The following NLRP5 variants were observed in gnomAD, a reference collection of about 807,000 sequenced individuals.
NLRP5 encodes the protein NLR family pyrin domain containing 5, also known as NACHT, LRR and PYD domains-containing protein 5.
NLRP5 carries 93 observed loss-of-function variants against 113.1 expected under a neutral mutation model. The ratio of observed to expected loss-of-function variants is 0.82; its 90% CI spans 0.70 to 0.98. The LOEUF (loss-of-function observed/expected upper bound fraction) is 0.98, where lower values mean the gene tolerates loss of function less well. NLRP5 is among the 50% of genes least tolerant of loss of function. The pLI is 0.00. For missense variants in NLRP5, 1,808 were observed against 1,514.3 expected (o/e 1.19, Z -3.22); for synonymous variants, 751 against 600.7 (o/e 1.25, Z -3.66).
rs565354335 is a variant in NLRP5 at position 56,032,523 on chromosome 19, G to A, written c.2277-88G>A. ...AAGCCACCGTGGTCTCACCTCGAGA[G>A]CTCGGTCCCTCTCCTCCGACGTGTT... On this transcript the variant is annotated intron_variant, in intron 7 of 14. Transcript: ENST00000390649. 6.4e-6 allele frequency: 8 copies of A among 1,256,324 alleles called. No individual in the cohort carries two copies. In the African/African-American group the frequency reaches 8.9e-5, roughly 14 times the overall value. 77.8% of individuals were successfully genotyped at this position (1,256,324 alleles called of 1,614,324 possible). A position where few individuals can be genotyped will look rare whatever the true frequency, so the allele number is the denominator to read the frequency against.
chr19:55,998,732 G>GTA (rs1196005656), upstream of NLRP5, among the ~76,000 whole-genome samples: 68 of 135,008 alleles, frequency 5.0e-4, no homozygotes, highest in African/African-American at 1.2e-3. Flanking sequence ...ATATATATGT[G>GTA]TATATATATA....
intron 3 of NLRP5, among the ~76,000 whole-genome samples, chr19:56,013,596 G>GTTTTTTTTTGTTTTTT (rs1555765384): frequency 1.7e-5 from 1 of 59,284 alleles, no homozygotes; most frequent in Non-Finnish European, 2.9e-5. Flanking sequence ...GGACATTTGG[G>GTTTTTTTTTGTTTTTT]TTTTTTTTTT....
chr19:56,024,362 A>T (rs1185165564), intron 6 of NLRP5, among the ~76,000 whole-genome samples: 7 of 140,632 alleles, frequency 5.0e-5, no homozygotes, highest in Non-Finnish European at 9.2e-5. Context: ...AAAAAGAACA[A>T]ATATATATAT....
intron 3 of NLRP5, among the ~76,000 whole-genome samples, chr19:56,010,587 A>G (rs542024407): frequency 1.2e-4 from 15 of 127,716 alleles, no homozygotes; most frequent in Non-Finnish European, 2.4e-4. Flanking sequence ...TCTACTAAAA[A>G]TACAGGAAAA....
upstream of NLRP5, among the ~76,000 whole-genome samples, chr19:55,997,132 T>A (rs905667560): frequency 2.0e-5 from 3 of 152,230 alleles, no homozygotes; most frequent in Non-Finnish European, 4.4e-5. Flanking sequence ...TATAAATATC[T>A]TCTTTTGAGA....
Position 56,027,850 on chromosome 19 carries a change from G to GT in NLRP5, c.1618dup (p.Trp540LeufsTer3). 1.2e-6 allele frequency: 2 copies of GT among 1,613,982 alleles called. No homozygotes were observed. Among genetic ancestry groups the GT allele is most frequent in the Non-Finnish European group, 1.7e-6 (2 of 1,179,888 alleles). On this transcript the variant is annotated frameshift_variant, in exon 7 of 15. Coordinates refer to ENST00000390649, the MANE Select transcript of NLRP5 (RefSeq NM_153447.4). LOFTEE classifies it high-confidence loss of function. ...TCTGCCGTATGGCTGTGGAGGGAGT[G>GT]TGGAATAGGAAGTCAGTGTTTGACG...
At chr19:56,017,797 G>T (rs1332257444) in intron 4 of NLRP5, among the ~76,000 whole-genome samples, 1 of 152,108 alleles carries the variant, frequency 6.6e-6, no homozygotes, top group Non-Finnish European at 1.5e-5. Flanking sequence ...TATGTGCCTG[G>T]TCGTTTACAC....
chr19:56,038,256 C>CCACCAG, intron 10 of NLRP5, 61 bp downstream of exon 10: 5 of 1,529,888 alleles, frequency 3.3e-6, no homozygotes, highest in Admixed American at 1.7e-5. Flanking sequence ...ATCGTAACTT[C>CCACCAG]GATTCTCCAG....
intron 6 of NLRP5, among the ~76,000 whole-genome samples, chr19:56,025,856 C>A (rs1299112460): frequency 1.3e-5 from 2 of 152,116 alleles, no homozygotes; most frequent in African/African-American, 4.8e-5. Flanking sequence ...CTCCCCCTCC[C>A]CAAGGCCACT....
chr19:56,028,335 G>T lies in NLRP5; in HGVS notation c.2102G>T (p.Arg701Leu), dbSNP rs760369062. The change falls in exon 7 of 15, where the codon CGC (arginine) becomes CTC (leucine). Residue 701 changes from arginine (R) to leucine (L), a missense_variant. Physicochemically the swap from Arg to Leu is moderately radical, Grantham distance 102. Transcript: ENST00000390649. ...GAGACTCAAGACAAAGAGTTTGTTC[G>T]CTTGGCATTAAACAGCTTCCAAGAA... 2 of 1,613,828 alleles carry T rather than the reference G, an allele frequency of 1.2e-6. No individual in the cohort carries two copies. Among genetic ancestry groups the T allele is most frequent in the African/African-American group, 1.3e-5 (1 of 74,914 alleles).
At chr19:55,987,519 C>G in the NLRP5 span, among the ~76,000 whole-genome samples, 1 of 152,142 alleles carries the variant, frequency 6.6e-6, no homozygotes, top group Non-Finnish European at 1.5e-5. Flanking sequence ...ATTGAAATGC[C>G]ATACAATTCT....
At chr19:55,998,682 A>ATG (rs1233364294), upstream of NLRP5, among the ~76,000 whole-genome samples, 1 of 83,664 alleles carries the variant, frequency 1.2e-5, no homozygotes, top group African/African-American at 6.3e-5. Context: ...GTATATATAT[A>ATG]TATATATATA....
chr19:56,012,884 T>C (rs752158475), intron 3 of NLRP5, among the ~76,000 whole-genome samples: 11 of 152,048 alleles, frequency 7.2e-5, no homozygotes, highest in Non-Finnish European at 1.6e-4. Flanking sequence ...TGTAATCTCT[T>C]TATATACTTT....
intron 4 of NLRP5, 44 bp downstream of exon 4, chr19:56,015,842 A>G: frequency 6.8e-7 from 1 of 1,470,148 alleles, no homozygotes; most frequent in South Asian, 1.3e-5. Flanking sequence ...CCTGGAAGAA[A>G]GTTGGGTGAG....
rs112992592 is a variant in NLRP5 at position 56,024,156 on chromosome 19, C to T, written c.680-2757C>T. On this transcript the variant is annotated intron_variant, in intron 6 of 14. Coordinates refer to ENST00000390649, the MANE Select transcript of NLRP5 (RefSeq NM_153447.4). ...AATAATTATAGTTTGTGATAAGTTT[C>T]ATTTTTTCACATTTTCAGGCCCTGT... Among the ~76,000 whole-genome samples the T allele has an allele frequency of 9.5e-3, 1,436 of 151,752 alleles. 24 individuals are homozygous for T. The highest frequency in any genetic ancestry group is 0.032 in the African/African-American group (1,337 of 41,428).
chr19:55,990,498 C>A, the NLRP5 span, among the ~76,000 whole-genome samples: 1 of 151,844 alleles, frequency 6.6e-6, no homozygotes, highest in African/African-American at 2.4e-5. Context: ...TGAGACCAGC[C>A]TGACTAACAT....
rs1983201889 is a variant in NLRP5 at position 56,033,546 on chromosome 19, A to G, written c.2452A>G (p.Arg818Gly). The change falls in exon 9 of 15, where the codon AGA becomes GGA. Residue 818 changes from arginine (R) to glycine (G), a missense_variant. Transcript: ENST00000390649. ...GTCTCCCCTTCCCCATTGCAGGTTT[A>G]GAAATGCACAGATTACCCCTGGTGT... 6 of 1,611,084 alleles carry G rather than the reference A, an allele frequency of 3.7e-6. No individual in the cohort carries two copies. The highest frequency in any genetic ancestry group is 5.1e-6 in the Non-Finnish European group (6 of 1,178,612).
At chr19:56,037,225 G>T (rs539748635) in intron 9 of NLRP5, among the ~76,000 whole-genome samples, 4 of 152,206 alleles carry the variant, frequency 2.6e-5, no homozygotes, top group Admixed American at 2.0e-4. Flanking sequence ...AAATACTGCC[G>T]GTCATCCCGG....
chr19:56,020,638 T>A (rs1407284248), intron 6 of NLRP5, among the ~76,000 whole-genome samples: 1 of 151,712 alleles, frequency 6.6e-6, no homozygotes, highest in Non-Finnish European at 1.5e-5. Context: ...TACAGTCAGA[T>A]ACTATGAAGA....
Sources: allele counts gnomAD v4.1 joint callset (sites outside exome capture counted in the v4.1 genomes callset), GRCh38; gene constraint gnomAD v4.1.1; transcripts MANE v1.5; gene names NCBI Gene and HGNC (gene_info 2026-07-23, HGNC 2026-07-21).